The following SGPP1 variants were observed in gnomAD, a reference collection of about 807,000 sequenced individuals.
SGPP1 encodes the protein sphingosine-1-phosphate phosphatase 1, also known as hSPP1.
SGPP1 carries 21 observed loss-of-function variants against 33.0 expected under a neutral mutation model. The observed-to-expected ratio is 0.64, with a 90% CI of 0.45 to 0.92. The LOEUF is 0.92. Among genes scored for constraint, SGPP1 ranks in the 40% least tolerant of loss-of-function variants. The pLI is 0.00. For synonymous variants in SGPP1, 239 were observed against 241.2 expected, an observed-to-expected ratio of 0.99 and a Z score of 0.08; for missense variants, 543 against 589.4, an observed-to-expected ratio of 0.92 and a Z score of 0.81.
chr14:63,689,796 CAA>C (rs1382846036), intron 2 of SGPP1, among the ~76,000 whole-genome samples: 20 of 85,478 alleles, frequency 2.3e-4, no homozygotes, highest in Admixed American at 2.7e-4. Context: ...GACTCTGTCT[CAA>C]AAAAAAAAAA....
intron 1 of SGPP1, among the ~76,000 whole-genome samples, chr14:63,713,785 AT>A (rs1237711286): frequency 4.6e-5 from 7 of 152,330 alleles, no homozygotes; most frequent in African/African-American, 1.7e-4. Context: ...CAAGGTTTGA[AT>A]TTGTGGACTT....
intron 2 of SGPP1, 118 bp from the exon 3 acceptor site, chr14:63,686,774 A>G: frequency 8.4e-6 from 6 of 715,144 alleles, no homozygotes; most frequent in Non-Finnish European, 1.3e-5. Flanking sequence ...TAAAGTTGTC[A>G]AATTCTCAAA....
Position 63,685,038 on chromosome 14 carries a change from C to A in SGPP1, c.*1067G>T, listed in dbSNP as rs1884941334. The A allele has an allele frequency of 6.6e-6, 1 of 151,164 alleles. No individual in the cohort carries two copies. The highest frequency in any genetic ancestry group is 1.5e-5 in the Non-Finnish European group (1 of 67,880). 9.4% of individuals were successfully genotyped at this position (151,164 alleles called of 1,614,324 possible). A position where few individuals can be genotyped will look rare whatever the true frequency, so the allele number is the denominator to read the frequency against. ...TCAACGTTTCCATTCACTGGAAATA[C>A]CTACCTGCAGTATAAACAATCAAGA... On this transcript the variant is annotated 3_prime_UTR_variant, in exon 3 of 3. Transcript: ENST00000247225.
intron 2 of SGPP1, among the ~76,000 whole-genome samples, chr14:63,693,085 C>T (rs1254099050): frequency 6.6e-6 from 1 of 152,198 alleles, no homozygotes; most frequent in African/African-American, 2.4e-5. Flanking sequence ...CACACCACCA[C>T]ACCTGGCTAA....
intron 1 of SGPP1, among the ~76,000 whole-genome samples, chr14:63,712,313 T>C (rs1007356408): frequency 6.6e-6 from 1 of 152,184 alleles, no homozygotes; most frequent in African/African-American, 2.4e-5. Context: ...TACTTTCACT[T>C]CTGGCTTCCC....
rs79311552 is a variant in SGPP1 at position 63,711,015 on chromosome 14, C to T, written c.685-12357G>A. Among the ~76,000 whole-genome samples, 1,264 of 140,694 alleles carry T rather than the reference C, an allele frequency of 9.0e-3. 11 individuals are homozygous for T. Among genetic ancestry groups the T allele is most frequent in the African/African-American group, 0.031 (1,182 of 38,408 alleles). The allele number at this position is 140,694 out of a possible 152,430, so 92.3% of individuals were successfully genotyped here. A position where few individuals can be genotyped will look rare whatever the true frequency, so the allele number is the denominator to read the frequency against. ...TTCATTCATTAAGATTGTTTTCTTT[C>T]TTTTTTTTTTTTTTTGAGACAGAGT... On this transcript the variant is annotated intron_variant, in intron 1 of 2. Transcript: ENST00000247225.
Position 63,704,896 on chromosome 14 carries a change from C to G in SGPP1, c.685-6238G>C, listed in dbSNP as rs1043532825. 3.3e-5 allele frequency among the ~76,000 whole-genome samples: 5 copies of G among 152,056 alleles called. 1 individual carries two copies. Among genetic ancestry groups the G allele is most frequent in the Non-Finnish European group, 5.9e-5 (4 of 68,006 alleles). ...ATCTCAGCACTTTGGGAAGCCTAGG[C>G]AGGAAGATCACTTGAGGTCAGGAAT... On this transcript the variant is annotated intron_variant, in intron 1 of 2. Coordinates refer to ENST00000247225, the MANE Select transcript of SGPP1 (RefSeq NM_030791.4).
intron 1 of SGPP1, among the ~76,000 whole-genome samples, chr14:63,715,488 CT>C (rs1006516340): frequency 2.0e-5 from 3 of 151,828 alleles, no homozygotes; most frequent in African/African-American, 4.8e-5. Flanking sequence ...ATAAAACCCC[CT>C]TTTTTTTGAG....
At chr14:63,695,001 A>G (rs1885158647) in intron 2 of SGPP1, among the ~76,000 whole-genome samples, 1 of 152,100 alleles carries the variant, frequency 6.6e-6, no homozygotes, top group Non-Finnish European at 1.5e-5. Flanking sequence ...TGATTTGCTG[A>G]GACTGAAATT....
At chr14:63,695,000 G>A (rs1293095411) in intron 2 of SGPP1, among the ~76,000 whole-genome samples, 1 of 152,000 alleles carries the variant, frequency 6.6e-6, no homozygotes, top group African/African-American at 2.4e-5. Context: ...GTGATTTGCT[G>A]AGACTGAAAT....
At chr14:63,688,315 CAAAAAAAAAAAA>C (rs71120275) in intron 2 of SGPP1, among the ~76,000 whole-genome samples, 3 of 31,416 alleles carry the variant, frequency 9.5e-5, no homozygotes, top group Admixed American at 3.9e-4. Context: ...GACTCTGTCT[CAAAAAAAAAAAA>C]AAAAAAAAAA....
At chr14:63,701,135 C>T (rs1885290295) in intron 1 of SGPP1, among the ~76,000 whole-genome samples, 1 of 152,108 alleles carries the variant, frequency 6.6e-6, no homozygotes. Flanking sequence ...TGTGCCACCA[C>T]ATCCAGCTGA....
chr14:63,686,447 T>G lies in SGPP1; in HGVS notation c.984A>C (p.Gly328=). The G allele has an allele frequency of 1.2e-6, 2 of 1,614,100 alleles. No individual in the cohort carries two copies. Among genetic ancestry groups the G allele is most frequent in the Non-Finnish European group, 1.7e-6 (2 of 1,180,022 alleles). The change falls in exon 3 of 3, where the codon GGA becomes GGC. Residue 328 remains glycine, a synonymous_variant. Coordinates refer to ENST00000247225, the MANE Select transcript of SGPP1 (RefSeq NM_030791.4). ...DTAEILGSGA[G]IACGSHVTYN... is the part of the protein sequence containing the mutation. ...AAGTAACATGAGATCCACATGCAAT[T>G]CCAGCACCACTTCCTAGTATCTCGG...
At chr14:63,701,932 A>G (rs1195315818) in intron 1 of SGPP1, among the ~76,000 whole-genome samples, 1 of 149,194 alleles carries the variant, frequency 6.7e-6, no homozygotes, top group African/African-American at 2.5e-5. Context: ...AAAAAAAAAA[A>G]AAGAACCAAA....
chr14:63,692,791 C>T (rs1034933059), intron 2 of SGPP1, among the ~76,000 whole-genome samples: 5 of 152,100 alleles, frequency 3.3e-5, no homozygotes, highest in African/African-American at 7.2e-5. Context: ...TCCGAGAAAA[C>T]TCACTGATAC....
chr14:63,716,409 G>A (rs763434531), intron 1 of SGPP1, among the ~76,000 whole-genome samples: 4 of 152,052 alleles, frequency 2.6e-5, no homozygotes, highest in South Asian at 2.1e-4. Flanking sequence ...CAGGAGAATC[G>A]CTTGAATCCG....
At chr14:63,687,230 C>T (rs961513484) in intron 2 of SGPP1, among the ~76,000 whole-genome samples, 1 of 152,094 alleles carries the variant, frequency 6.6e-6, no homozygotes, top group Non-Finnish European at 1.5e-5. Flanking sequence ...CACTTGAGGC[C>T]AGGAGTTCAA....
Position 63,727,966 on chromosome 14 carries a change from G to C in SGPP1, c.-22C>G, listed in dbSNP as rs1885928176. On this transcript the variant is annotated 5_prime_UTR_variant, in exon 1 of 3. Coordinates refer to ENST00000247225, the MANE Select transcript of SGPP1 (RefSeq NM_030791.4). ...ACATGATAACGGAACCCCCGGGAAG[G>C]CGGGCCGGCCTCCGGCGCAGCCCCG... The C allele has an allele frequency of 6.5e-7, 1 of 1,535,100 alleles. No homozygotes were observed. The highest frequency in any genetic ancestry group is 8.7e-7 in the Non-Finnish European group (1 of 1,150,298).
chr14:63,689,856 A>G (rs190269529), intron 2 of SGPP1, among the ~76,000 whole-genome samples: 43 of 152,250 alleles, frequency 2.8e-4, no homozygotes, highest in African/African-American at 9.6e-4. Context: ...AAAATGTTAC[A>G]GCAGTCTCTT....
Sources: gnomAD v4.1 joint callset for allele counts (sites outside exome capture counted in the v4.1 genomes callset) on GRCh38, gnomAD v4.1.1 for gene constraint, MANE v1.5 for transcripts, NCBI Gene and HGNC (gene_info 2026-07-23, HGNC 2026-07-21) for gene names.